Variants in C4BPB observed in about 807,000 individuals in gnomAD.
The protein encoded by C4BPB is complement component 4 binding protein beta.
A neutral mutation model predicts 26.6 loss-of-function variants in C4BPB; 19 were observed. The ratio of observed to expected loss-of-function variants is 0.71; its 90% CI spans 0.50 to 1.05. The LOEUF is 1.05. Among genes scored for constraint, C4BPB ranks in the 50% least tolerant of loss-of-function variants. C4BPB has a pLI of 0.00. For missense variants in C4BPB, 282 were observed against 302.9 expected (o/e 0.93, Z 0.51); for synonymous variants, 118 against 103.5 (o/e 1.14, Z -0.85).
At chr1:207,092,207 A>G (rs1684056037) in intron 4 of C4BPB, among the ~76,000 whole-genome samples, 1 of 152,120 alleles carries the variant, frequency 6.6e-6, no homozygotes, top group African/African-American at 2.4e-5. Flanking sequence ...GAGGCTAAAG[A>G]CCCTCTTTCT....
At chr1:207,095,709 A>G in intron 4 of C4BPB, 2 of 330,278 alleles carry the variant, frequency 6.1e-6, no homozygotes, top group Non-Finnish European at 1.2e-5. Context: ...TGTAATCTCC[A>G]GTGTTGGAGG....
intron 3 of C4BPB, 33 bp from the exon 4 acceptor site, chr1:207,091,611 C>T (rs1242532733): frequency 6.3e-7 from 1 of 1,590,390 alleles, no homozygotes; most frequent in Non-Finnish European, 8.6e-7. Flanking sequence ...TTCAGCTTTG[C>T]CCTTTCAGCT....
intron 3 of C4BPB, among the ~76,000 whole-genome samples, chr1:207,091,018 C>T (rs1455604861): frequency 1.3e-5 from 2 of 152,150 alleles, no homozygotes; most frequent in African/African-American, 2.4e-5. Context: ...TAATTGAGAT[C>T]CAGCTGACTT....
intron 4 of C4BPB, among the ~76,000 whole-genome samples, chr1:207,094,212 A>G (rs777866191): frequency 1.1e-4 from 17 of 152,134 alleles, no homozygotes; most frequent in Non-Finnish European, 2.1e-4. Flanking sequence ...GTGGCAGTGC[A>G]TACCTGCAGT....
At position 207,099,970 on chromosome 1, in the gene C4BPB, T is replaced by C. The variant is rs1299040012; in HGVS notation, c.*41T>C. The stretch of plus-strand genomic sequence containing the variant: ...GATGTAATAGAAATAAACCTATGAA[T>C]AAATTTTCTTCTTGGTTCTGAAATT... On this transcript the variant is annotated 3_prime_UTR_variant, in exon 7 of 7. Coordinates refer to ENST00000367078, the MANE Select transcript of C4BPB (RefSeq NM_001017365.3). The C allele has an allele frequency of 1.3e-6, 2 of 1,559,002 alleles. No individual in the cohort carries two copies. The highest frequency in any genetic ancestry group is 1.7e-6 in the Non-Finnish European group (2 of 1,153,130).
chr1:207,098,555 C>G (rs1177965709), intron 6 of C4BPB, among the ~76,000 whole-genome samples: 1 of 152,048 alleles, frequency 6.6e-6, no homozygotes, highest in Admixed American at 6.6e-5. Flanking sequence ...CTTTTTGGCA[C>G]CAGGGATGGG....
intron 4 of C4BPB, among the ~76,000 whole-genome samples, chr1:207,093,401 T>TA (rs1170164745): frequency 6.6e-6 from 1 of 152,162 alleles, no homozygotes; most frequent in Non-Finnish European, 1.5e-5. Flanking sequence ...TATTAGATAG[T>TA]AAAAAATACT....
chr1:207,094,617 C>T (rs1200325321), intron 4 of C4BPB, among the ~76,000 whole-genome samples: 1 of 152,064 alleles, frequency 6.6e-6, no homozygotes, highest in Admixed American at 6.6e-5. Flanking sequence ...GGATGAGCTC[C>T]CTAGGTTTCT....
chr1:207,090,551 A>G (rs566220499), intron 3 of C4BPB, 70 bp downstream of exon 3: 2 of 1,374,200 alleles, frequency 1.5e-6, no homozygotes, highest in African/African-American at 1.5e-5. Context: ...CCTACTTCCT[A>G]TAGGCTGTGG....
chr1:207,090,168 G>T, intron 2 of C4BPB, 140 bp from the exon 3 acceptor site: 2 of 646,086 alleles, frequency 3.1e-6, no homozygotes, highest in Non-Finnish European at 5.0e-6. Flanking sequence ...CTACTTGGGA[G>T]TAGAATACAG....
In C4BPB at chr1:207,098,330, C is replaced by A. The variant is rs1572763120; in HGVS notation, c.618+66C>A. 3 of 985,126 alleles carry A rather than the reference C, an allele frequency of 3.0e-6. No individual in the cohort carries two copies. In the East Asian group the frequency reaches 7.4e-5, roughly 24 times the overall value. 61.0% of individuals were successfully genotyped at this position (985,126 alleles called of 1,614,324 possible). On this transcript the variant is annotated intron_variant, in intron 6 of 6. Coordinates refer to ENST00000367078, the MANE Select transcript of C4BPB (RefSeq NM_001017365.3). ...CTCCAGGGCCTGGCATCACTCCTGG[C>A]ATATGCTCAGTATATATCTGTTTAA...
In C4BPB at chr1:207,099,941, A is replaced by G. The variant is rs768181598; in HGVS notation, c.*12A>G. On this transcript the variant is annotated 3_prime_UTR_variant, in exon 7 of 7. Coordinates refer to ENST00000367078, the MANE Select transcript of C4BPB (RefSeq NM_001017365.3). ...CAAAATTGTTGTAACACTACAGCTG[A>G]GCAGATGTAATAGAAATAAACCTAT... 1 of 1,597,912 alleles carries G rather than the reference A, an allele frequency of 6.3e-7. No homozygotes were observed. The highest frequency in any genetic ancestry group is 2.2e-5 in the East Asian group (1 of 44,782).
Position 207,089,654 on chromosome 1 carries a change from ACT to A in C4BPB, c.58+68_58+69del. 2.2e-6 allele frequency: 3 copies of A among 1,358,026 alleles called. No individual in the cohort carries two copies. In the South Asian group the frequency reaches 3.5e-5, roughly 16 times the overall value. 84.1% of individuals were successfully genotyped at this position (1,358,026 alleles called of 1,614,324 possible). ...GTGTCCTTTTGCGGTGTTTTGAGGA[ACT>A]CTGTCTAGGGCTTTAAGGAAGTTTA... On this transcript the variant is annotated intron_variant, in intron 2 of 6. Coordinates refer to ENST00000367078, the MANE Select transcript of C4BPB (RefSeq NM_001017365.3).
At chr1:207,091,858 C>G (rs1434837536) in intron 4 of C4BPB, 38 bp downstream of exon 4, 2 of 1,542,902 alleles carry the variant, frequency 1.3e-6, no homozygotes, top group Non-Finnish European at 1.8e-6. Flanking sequence ...CCCCAAAATA[C>G]TGATTAGTAG....
rs1018961650 is a variant in C4BPB at position 207,098,099 on chromosome 1, T to C, written c.504-51T>C. 2.1e-6 allele frequency: 3 copies of C among 1,409,506 alleles called. No homozygotes were observed. In the African/African-American group the frequency reaches 4.2e-5, roughly 20 times the overall value. 87.3% of individuals were successfully genotyped at this position (1,409,506 alleles called of 1,614,324 possible). A position where few individuals can be genotyped will look rare whatever the true frequency, so the allele number is the denominator to read the frequency against. On this transcript the variant is annotated intron_variant, in intron 5 of 6. Coordinates refer to ENST00000367078, the MANE Select transcript of C4BPB (RefSeq NM_001017365.3). ...ACAACTACACAAAACCAGTCTCCAT[T>C]ACCCAATTCAGAAAGTGGAAAAGCT... is the stretch of plus-strand genomic sequence containing the variant.
At chr1:207,089,650 AG>A in intron 2 of C4BPB, 61 bp downstream of exon 2, 1 of 1,390,678 alleles carries the variant, frequency 7.2e-7, no homozygotes, top group Non-Finnish European at 1.0e-6. Flanking sequence ...CGGTGTTTTG[AG>A]GAACTCTGTC....
At chr1:207,091,863 T>C (rs1359916015) in intron 4 of C4BPB, 43 bp downstream of exon 4, 1 of 1,515,628 alleles carries the variant, frequency 6.6e-7, no homozygotes. Flanking sequence ...AAATACTGAT[T>C]AGTAGTCTAA....
At chr1:207,092,697 G>A (rs867883706) in intron 4 of C4BPB, among the ~76,000 whole-genome samples, 2 of 146,034 alleles carry the variant, frequency 1.4e-5, no homozygotes, top group Admixed American at 6.9e-5. Flanking sequence ...GTGTGATCTC[G>A]GCTCACTGCA....
At chr1:207,096,646 T>C (rs1684262290) in intron 5 of C4BPB, 31 bp downstream of exon 5, 1 of 1,262,014 alleles carries the variant, frequency 7.9e-7, no homozygotes, top group Non-Finnish European at 1.1e-6. Flanking sequence ...AAATGCCAGA[T>C]CTTGCCCCTT....
Sources: gnomAD v4.1 joint callset for allele counts (sites outside exome capture counted in the v4.1 genomes callset) on GRCh38, gnomAD v4.1.1 for gene constraint, MANE v1.5 for transcripts, NCBI Gene and HGNC (gene_info 2026-07-23, HGNC 2026-07-21) for gene names.